The following CMTM4 variants were observed in gnomAD, a reference collection of about 807,000 sequenced individuals.
CMTM4 encodes CKLF like MARVEL transmembrane domain containing 4.
In CMTM4, 8 loss-of-function variants were observed where a neutral mutation model predicts 19.0. The ratio of observed to expected loss-of-function variants is 0.42; its 90% confidence interval spans 0.25 to 0.76. CMTM4 has a LOEUF of 0.76. Among genes scored for constraint, CMTM4 ranks in the 30% least tolerant of loss-of-function variants. The pLI, the probability that CMTM4 is intolerant of heterozygous loss-of-function variation, is 0.27. For missense variants in CMTM4, 228 were observed against 290.2 expected (o/e 0.79, Z 1.56); for synonymous variants, 106 against 121.1 (o/e 0.88, Z 0.82).
chr16:66,624,319 A>G (rs2015694500), intron 2 of CMTM4, among the ~76,000 whole-genome samples: 1 of 152,242 alleles, frequency 6.6e-6, no homozygotes, highest in South Asian at 2.1e-4. Flanking sequence ...TGAGGCACCC[A>G]GTAGCCTGGG....
In CMTM4 at chr16:66,663,089, G is replaced by C. The variant is rs555191306; in HGVS notation, c.187-26508C>G. On this transcript the variant is annotated intron_variant, in intron 1 of 3. Transcript: ENST00000394106. ...TTGAACCTTCAACCCACAGAAGACT[G>C]ACCAGAACTTCTCACTTGAACCCAG... 9.2e-5 allele frequency among the ~76,000 whole-genome samples: 14 copies of C among 152,304 alleles called. No individual in the cohort carries two copies. In the South Asian group the frequency reaches 2.9e-3, roughly 32 times the overall value.
chr16:66,683,286 CTTTTTTT>C (rs781263895), intron 1 of CMTM4, among the ~76,000 whole-genome samples: 11 of 78,842 alleles, frequency 1.4e-4, no homozygotes, highest in Non-Finnish European at 1.9e-4. Context: ...TTTTTCTTTT[CTTTTTTT>C]TTTTTTTTTT....
At chr16:66,683,427 G>GAC (rs1567432550) in intron 1 of CMTM4, among the ~76,000 whole-genome samples, 1 of 148,684 alleles carries the variant, frequency 6.7e-6, no homozygotes, top group Non-Finnish European at 1.5e-5. Context: ...GAGCAGCTGG[G>GAC]ACTACAGGCG....
downstream of CMTM4, chr16:66,609,843 G>A (rs1209645139): frequency 6.2e-7 from 1 of 1,614,080 alleles, no homozygotes; most frequent in African/African-American, 1.3e-5. This position sits in a 1 kb window ranked among gnomAD's most constrained non-coding sequence, Gnocchi z 4.4. Context: ...CCGGAGCAGG[G>A]AGTCAGCCCT....
the CMTM4 span, among the ~76,000 whole-genome samples, chr16:66,603,310 C>T: frequency 6.6e-6 from 1 of 151,706 alleles, no homozygotes; most frequent in Non-Finnish European, 1.5e-5. Context: ...TTTTTTGAGA[C>T]AGAGTCTTGC....
At chr16:66,658,995 T>G (rs1181749731) in intron 1 of CMTM4, among the ~76,000 whole-genome samples, 1 of 151,968 alleles carries the variant, frequency 6.6e-6, no homozygotes, top group African/African-American at 2.4e-5. Flanking sequence ...TGAGACAGCT[T>G]CTTTTCATCC....
Position 66,618,540 on chromosome 16 carries a change from T to C in CMTM4, c.*3518A>G, listed in dbSNP as rs1316528486. On this transcript the variant is annotated 3_prime_UTR_variant, in exon 4 of 4. Transcript: ENST00000394106. ...ACATGGATAGGTGACGGGTTTCTCA[T>C]GTGAATCTACAAGAAAAGGTACGCC... 2.4e-5 allele frequency: 24 copies of C among 985,360 alleles called. No homozygotes were observed. The highest frequency in any genetic ancestry group is 2.8e-5 in the Non-Finnish European group (23 of 829,986). 61.0% of individuals were successfully genotyped at this position (985,360 alleles called of 1,614,324 possible).
intron 2 of CMTM4, among the ~76,000 whole-genome samples, chr16:66,626,936 C>T (rs914843170): frequency 1.3e-5 from 2 of 151,684 alleles, no homozygotes; most frequent in African/African-American, 4.8e-5. Flanking sequence ...CCTGTCTCTA[C>T]AAAAAAATTC....
intron 1 of CMTM4, among the ~76,000 whole-genome samples, chr16:66,645,133 A>C (rs989555529): frequency 6.6e-5 from 10 of 151,858 alleles, no homozygotes; most frequent in Admixed American, 1.3e-4. Context: ...AAAATACAAA[A>C]ATTATCTGGG....
At chr16:66,623,914 A>G (rs987037660) in intron 2 of CMTM4, among the ~76,000 whole-genome samples, 2 of 152,098 alleles carry the variant, frequency 1.3e-5, no homozygotes, top group African/African-American at 4.8e-5. Context: ...GTGACATTCA[A>G]AACAAACTTT....
rs1299858321 is a variant in CMTM4 at position 66,621,211 on chromosome 16, T to G, written c.*847A>C. On this transcript the variant is annotated 3_prime_UTR_variant, in exon 4 of 4. Transcript: ENST00000394106. ...TTTTTTAACACAAACACCTCCCACC[T>G]GCGGTTCATGAAGCCAGCAAATGGG... The G allele has an allele frequency of 5.1e-6, 5 of 985,478 alleles. No individual in the cohort carries two copies. The highest frequency in any genetic ancestry group is 6.0e-6 in the Non-Finnish European group (5 of 829,956). 61.0% of individuals were successfully genotyped at this position (985,478 alleles called of 1,614,324 possible). A position where few individuals can be genotyped will look rare whatever the true frequency, so the allele number is the denominator to read the frequency against.
At chr16:66,600,136 G>GGTTTTTTTTTTTTTTTT in the CMTM4 span, among the ~76,000 whole-genome samples, 3 of 135,154 alleles carry the variant, frequency 2.2e-5, no homozygotes, top group African/African-American at 5.8e-5. Context: ...GTGTGTGTGT[G>GGTTTTTTTTTTTTTTTT]TTTTTTTTTG....
chr16:66,608,196 T>C, the CMTM4 span: 26 of 1,167,178 alleles, frequency 2.2e-5, no homozygotes, highest in East Asian at 5.9e-4. The surrounding 1 kb of genome is among the most constrained non-coding windows in gnomAD (Gnocchi z 5.1). Context: ...CTGTGAGCAG[T>C]TGGCTTCCCC....
At chr16:66,691,516 C>T (rs1266794203) in intron 1 of CMTM4, among the ~76,000 whole-genome samples, 3 of 152,154 alleles carry the variant, frequency 2.0e-5, no homozygotes, top group African/African-American at 7.2e-5. Flanking sequence ...ACCTGGGCAA[C>T]ACAGGGAGAC....
At chr16:66,630,790 G>A (rs1309274501) in intron 2 of CMTM4, among the ~76,000 whole-genome samples, 1 of 148,860 alleles carries the variant, frequency 6.7e-6, no homozygotes, top group Non-Finnish European at 1.5e-5. Context: ...CCCTCTGCCT[G>A]GCTGCCCAGT....
chr16:66,646,236 A>C (rs766529455), intron 1 of CMTM4, among the ~76,000 whole-genome samples: 1 of 152,228 alleles, frequency 6.6e-6, no homozygotes, highest in Non-Finnish European at 1.5e-5. Flanking sequence ...TAAGCTAAAC[A>C]GTAAAAAATC....
intron 1 of CMTM4, among the ~76,000 whole-genome samples, chr16:66,667,312 A>G (rs7192160): frequency 0.043 from 6,567 of 152,186 alleles, 266 homozygotes; most frequent in East Asian, 0.15. Context: ...GCACCAGAGC[A>G]AGACTCCCTC....
At chr16:66,630,054 G>C (rs931108889) in intron 2 of CMTM4, among the ~76,000 whole-genome samples, 1 of 152,086 alleles carries the variant, frequency 6.6e-6, no homozygotes, top group African/African-American at 2.4e-5. Flanking sequence ...GGAAACCATC[G>C]AATCTGTACT....
rs551295992 is a variant in CMTM4 at position 66,665,047 on chromosome 16, G to C, written c.187-28466C>G. Among the ~76,000 whole-genome samples, 9 of 152,086 alleles carry C rather than the reference G, an allele frequency of 5.9e-5. No individual in the cohort carries two copies. In the South Asian group the frequency reaches 1.7e-3, roughly 28 times the overall value. On this transcript the variant is annotated intron_variant, in intron 1 of 3. Coordinates refer to ENST00000394106, the MANE Select transcript of CMTM4 (RefSeq NM_181521.3). ...CAGCCTTGACCTACCGGGCTCAAGTGATCCTTCCACCTCAGCCTCCCTAGC... is the reference window on the plus strand; with the variant it reads ...CAGCCTTGACCTACCGGGCTCAAGTCATCCTTCCACCTCAGCCTCCCTAGC...
Sources: allele counts gnomAD v4.1 joint callset (sites outside exome capture counted in the v4.1 genomes callset), GRCh38; gene constraint gnomAD v4.1.1; non-coding constraint Gnocchi (gnomAD v3.1); transcripts MANE v1.5; gene names NCBI Gene and HGNC (gene_info 2026-07-23, HGNC 2026-07-21).